SLC16A13: variants seen among roughly 807,000 people sequenced by gnomAD.
The protein encoded by SLC16A13 is monocarboxylate transporter 13.
A neutral mutation model predicts 28.1 loss-of-function variants in SLC16A13; 28 were observed. That is an observed-to-expected ratio of 1.00 (90% CI 0.74 to 1.37). The LOEUF is 1.37. SLC16A13 is among the 40% of genes most tolerant of loss of function. The pLI is 0.00. For synonymous variants in SLC16A13, 228 were observed against 241.6 expected, an observed-to-expected ratio of 0.94 and a Z score of 0.52; for missense variants, 482 against 531.8, an observed-to-expected ratio of 0.91 and a Z score of 0.92.
In SLC16A13 at chr17:7,036,403, C is replaced by T. The variant is rs756648001; in HGVS notation, c.21C>T (p.Pro7=). 3 of 1,611,544 alleles carry T rather than the reference C, an allele frequency of 1.9e-6. No individual in the cohort carries two copies. The highest frequency in any genetic ancestry group is 1.7e-5 in the Admixed American group (1 of 59,884). The change falls in exon 1 of 4, where the codon CCC becomes CCT. Residue 7 remains proline, a synonymous_variant. Coordinates refer to ENST00000308027, the MANE Select transcript of SLC16A13 (RefSeq NM_201566.3). ...CTTAGATGGCGCGCAGGACAGAGCC[C>T]CCCGACGGGGGCTGGGGATGGGTGG... MARRTE[P]PDGGWGWVVV...
Position 7,038,486 on chromosome 17 carries a change from C to G in SLC16A13, c.678C>G (p.Ile226Met). 1.2e-6 allele frequency: 2 copies of G among 1,614,256 alleles called. No individual in the cohort carries two copies. The highest frequency in any genetic ancestry group is 1.7e-6 in the Non-Finnish European group (2 of 1,180,048). ...FLRYTVALTL[I>M]NTGYFIPYLH... ...GTTACACTGTTGCCCTCACCCTGAT[C>G]AACACTGGCTACTTCATTCCCTACC... The change falls in exon 3 of 4, where the codon ATC (isoleucine) becomes ATG (methionine). Residue 226 changes from isoleucine to methionine, a missense_variant. Ile to Met is a conservative substitution (Grantham distance 10, BLOSUM62 1). Coordinates refer to ENST00000308027, the MANE Select transcript of SLC16A13 (RefSeq NM_201566.3). The surrounding 1 kb of genome is among the most constrained non-coding windows in gnomAD (Gnocchi z 5.7).
chr17:7,040,098 C>A lies in SLC16A13; in HGVS notation c.*136C>A. On this transcript the variant is annotated 3_prime_UTR_variant, in exon 4 of 4. Transcript: ENST00000308027. The stretch of plus-strand genomic sequence containing the variant: ...CCCTAGAGCAGGCCTGGGGCTCCTG[C>A]AATGTGTGTGCCAACCCTTTGTATT... 1 of 707,384 alleles carries A rather than the reference C, an allele frequency of 1.4e-6. No homozygotes were observed. The highest frequency in any genetic ancestry group is 2.4e-6 in the Non-Finnish European group (1 of 422,466). The allele number at this position is 707,384 out of a possible 1,614,324, so 43.8% of individuals were successfully genotyped here.
Position 7,039,662 on chromosome 17 carries a change from C to G in SLC16A13, c.1082-101C>G. The G allele has an allele frequency of 2.4e-6, 3 of 1,257,722 alleles. No individual in the cohort carries two copies. Among genetic ancestry groups the G allele is most frequent in the Non-Finnish European group, 3.4e-6 (3 of 879,496 alleles). The allele number at this position is 1,257,722 out of a possible 1,614,324, so 77.9% of individuals were successfully genotyped here. ...AACTATTCCATGGGAGTTCCAACTC[C>G]TCTGAGATGATAAGTCTTCCCTCCA... is the stretch of plus-strand genomic sequence containing the variant. On this transcript the variant is annotated intron_variant, in intron 3 of 3. Coordinates refer to ENST00000308027, the MANE Select transcript of SLC16A13 (RefSeq NM_201566.3). This position sits in a 1 kb window ranked among gnomAD's most constrained non-coding sequence, Gnocchi z 4.3.
chr17:7,038,758 C>T lies in SLC16A13; in HGVS notation c.950C>T (p.Thr317Ile), dbSNP rs1303005134. The change falls in exon 3 of 4, where the codon ACA becomes ATA. Residue 317 changes from threonine (T) to isoleucine (I), a missense_variant. By Grantham distance (89) the Thr-to-Ile change is moderately conservative. Coordinates refer to ENST00000308027, the MANE Select transcript of SLC16A13 (RefSeq NM_201566.3). This position sits in a 1 kb window ranked among gnomAD's most constrained non-coding sequence, Gnocchi z 5.7. ...LVALAVAYGF[T>I]SGALAPLAFS... ...GCTCTGGCTGTGGCCTACGGCTTCA[C>T]ATCAGGGGCTCTGGCCCCACTGGCC... 1 of 1,614,078 alleles carries T rather than the reference C, an allele frequency of 6.2e-7. No individual in the cohort carries two copies. Among genetic ancestry groups the T allele is most frequent in the Non-Finnish European group, 8.5e-7 (1 of 1,179,958 alleles).
In SLC16A13 at chr17:7,038,917, G is replaced by T. The variant is rs1203422447; in HGVS notation, c.1081+28G>T. On this transcript the variant is annotated intron_variant, in intron 3 of 3. Transcript: ENST00000308027. The surrounding 1 kb of genome is among the most constrained non-coding windows in gnomAD (Gnocchi z 5.7). ...AAGTGGAATGGGGTTCCCAGGGGGT[G>T]AGGGCTGCCATGTTGCACAACTAGG... 6.3e-7 allele frequency: 1 copy of T among 1,578,942 alleles called. No individual in the cohort carries two copies. The highest frequency in any genetic ancestry group is 1.8e-5 in the Admixed American group (1 of 55,540).
chr17:7,038,520 G>C lies in SLC16A13; in HGVS notation c.712G>C (p.Val238Leu), dbSNP rs1420305843. ...TGYFIPYLHLVAHLQDLDWDP... is the reference protein window; with the variant it reads ...TGYFIPYLHLLAHLQDLDWDP... ...CTACTTCATTCCCTACCTCCACCTG[G>C]TGGCCCATCTCCAGGACCTGGATTG... The change falls in exon 3 of 4, where the codon GTG becomes CTG. Residue 238 changes from valine to leucine, a missense_variant. Coordinates refer to ENST00000308027, the MANE Select transcript of SLC16A13 (RefSeq NM_201566.3). The surrounding 1 kb of genome is among the most constrained non-coding windows in gnomAD (Gnocchi z 5.7). 6.2e-7 allele frequency: 1 copy of C among 1,614,130 alleles called. No homozygotes were observed. The highest frequency in any genetic ancestry group is 1.1e-5 in the South Asian group (1 of 91,086).
rs745998957 is a variant in SLC16A13 at position 7,038,598 on chromosome 17, G to T, written c.790G>T (p.Val264Leu). 3.7e-6 allele frequency: 6 copies of T among 1,614,174 alleles called. No homozygotes were observed. Among genetic ancestry groups the T allele is most frequent in the Non-Finnish European group, 4.2e-6 (5 of 1,180,034 alleles). The change falls in exon 3 of 4, where the codon GTG (valine) becomes TTG (leucine). Residue 264 changes from valine (V) to leucine (L), a missense_variant. Coordinates refer to ENST00000308027, the MANE Select transcript of SLC16A13 (RefSeq NM_201566.3). This position sits in a 1 kb window ranked among gnomAD's most constrained non-coding sequence, Gnocchi z 5.7. Reference protein sequence around the residue: ...LLSVVAISDLVGRVVSGWLGD... With the variant: ...LLSVVAISDLLGRVVSGWLGD... ...CTCAGTTGTTGCTATTTCTGACCTC[G>T]TGGGGCGTGTGGTCTCCGGATGGCT...
chr17:7,038,632 C>T lies in SLC16A13; in HGVS notation c.824C>T (p.Ala275Val), dbSNP rs764535904. The stretch of plus-strand genomic sequence containing the variant: ...GTGGTCTCCGGATGGCTGGGAGATG[C>T]AGTCCCAGGGCCTGTGACACGACTC... ...GRVVSGWLGDAVPGPVTRLLM... is the reference protein window; with the variant it reads ...GRVVSGWLGDVVPGPVTRLLM... The change falls in exon 3 of 4, where the codon GCA becomes GTA. Residue 275 changes from alanine (A) to valine (V), a missense_variant. Physicochemically the swap from Ala to Val is moderately conservative, Grantham distance 64 (BLOSUM62 0). Coordinates refer to ENST00000308027, the MANE Select transcript of SLC16A13 (RefSeq NM_201566.3). The surrounding 1 kb of genome is among the most constrained non-coding windows in gnomAD (Gnocchi z 5.7). The T allele has an allele frequency of 8.7e-6, 14 of 1,614,006 alleles. No individual in the cohort carries two copies. Among genetic ancestry groups the T allele is most frequent in the Non-Finnish European group, 1.2e-5 (14 of 1,180,022 alleles).
At position 7,037,133 on chromosome 17, in the gene SLC16A13, C is replaced by CTT. The variant is rs1597344520; in HGVS notation, c.343+263_343+264insTT. The CTT allele has an allele frequency of 2.3e-5, 7 of 305,014 alleles. No homozygotes were observed. In the East Asian group the frequency reaches 5.1e-4, roughly 22 times the overall value. 18.9% of individuals were successfully genotyped at this position (305,014 alleles called of 1,614,324 possible). A position where few individuals can be genotyped will look rare whatever the true frequency, so the allele number is the denominator to read the frequency against. On this transcript the variant is annotated intron_variant, in intron 2 of 3. Coordinates refer to ENST00000308027, the MANE Select transcript of SLC16A13 (RefSeq NM_201566.3). ...TTGGGAAGCCGAGGCGGGTGGATCA[C>CTT]GAGGTCAGGAGTTTGAGACCAGCCT...
In SLC16A13 at chr17:7,038,583, G is replaced by T; in HGVS notation, c.775G>T (p.Ala259Ser). 1 of 1,614,182 alleles carries T rather than the reference G, an allele frequency of 6.2e-7. No individual in the cohort carries two copies. The highest frequency in any genetic ancestry group is 8.5e-7 in the Non-Finnish European group (1 of 1,180,040). Residue 259 changes from alanine (A) to serine (S), a missense_variant, in exon 3 of 4, where the codon GCT becomes TCT. Transcript: ENST00000308027. This position sits in a 1 kb window ranked among gnomAD's most constrained non-coding sequence, Gnocchi z 5.7. ...TGCTGCCTTCCTACTCTCAGTTGTT[G>T]CTATTTCTGACCTCGTGGGGCGTGT... is the stretch of plus-strand genomic sequence containing the variant. Reference protein sequence around the residue: ...LPAAFLLSVVAISDLVGRVVS... With the variant: ...LPAAFLLSVVSISDLVGRVVS...
rs1192773670 is a variant in SLC16A13 at position 7,038,026 on chromosome 17, A to C, written c.344-126A>C. On this transcript the variant is annotated intron_variant, in intron 2 of 3. Coordinates refer to ENST00000308027, the MANE Select transcript of SLC16A13 (RefSeq NM_201566.3). This position sits in a 1 kb window ranked among gnomAD's most constrained non-coding sequence, Gnocchi z 5.7. ...TACACAGCTATGAAGTATCCAAGCC[A>C]AGATTGTATCCCAGGTCTGTGGGAC... 8.4e-6 allele frequency: 10 copies of C among 1,184,012 alleles called. No individual in the cohort carries two copies. The highest frequency in any genetic ancestry group is 1.2e-5 in the Non-Finnish European group (10 of 842,238). The allele number at this position is 1,184,012 out of a possible 1,614,324, so 73.3% of individuals were successfully genotyped here.
At position 7,039,618 on chromosome 17, in the gene SLC16A13, A is replaced by G; in HGVS notation, c.1082-145A>G. On this transcript the variant is annotated intron_variant, in intron 3 of 3. Coordinates refer to ENST00000308027, the MANE Select transcript of SLC16A13 (RefSeq NM_201566.3). This position sits in a 1 kb window ranked among gnomAD's most constrained non-coding sequence, Gnocchi z 4.3. ...ACTTTTGAGGCCCTTTTGGGAAACC[A>G]GAGTTCTTAAGTTTATCCAACTATT... The G allele has an allele frequency of 2.4e-6, 2 of 845,366 alleles. No individual in the cohort carries two copies. Among genetic ancestry groups the G allele is most frequent in the South Asian group, 3.7e-5 (2 of 54,684 alleles). 52.4% of individuals were successfully genotyped at this position (845,366 alleles called of 1,614,324 possible).
Position 7,038,203 on chromosome 17 carries a change from ATTTCTCTCGCC to A in SLC16A13, c.396_406del (p.Tyr132Ter). ...CCGACCCTGGCCTGCCTGTCCTGTTATTTCTCTCGCCGACGATCCCTGGCCACCGGGCTGGC... is the reference window on the plus strand; with the variant it reads ...CCGACCCTGGCCTGCCTGTCCTGTTAGACGATCCCTGGCCACCGGGCTGGC... On this transcript the variant is annotated stop_gained and frameshift_variant, in exon 3 of 4. Coordinates refer to ENST00000308027, the MANE Select transcript of SLC16A13 (RefSeq NM_201566.3). LOFTEE classifies it high-confidence loss of function. The surrounding 1 kb of genome is among the most constrained non-coding windows in gnomAD (Gnocchi z 5.7). 6.2e-7 allele frequency: 1 copy of A among 1,613,762 alleles called. No homozygotes were observed. The highest frequency in any genetic ancestry group is 1.1e-5 in the South Asian group (1 of 91,074).
intron 2 of SLC16A13, among the ~76,000 whole-genome samples, chr17:7,037,496 G>A (rs567808599): frequency 2.6e-5 from 4 of 151,990 alleles, no homozygotes; most frequent in Non-Finnish European, 4.4e-5. Flanking sequence ...GGAGGCCGAG[G>A]CGGGCGGATC....
At position 7,040,104 on chromosome 17, in the gene SLC16A13, G is replaced by C; in HGVS notation, c.*142G>C. 1 of 675,242 alleles carries C rather than the reference G, an allele frequency of 1.5e-6. No individual in the cohort carries two copies. Among genetic ancestry groups the C allele is most frequent in the Admixed American group, 2.8e-5 (1 of 36,206 alleles). 41.8% of individuals were successfully genotyped at this position (675,242 alleles called of 1,614,324 possible). On this transcript the variant is annotated 3_prime_UTR_variant, in exon 4 of 4. Coordinates refer to ENST00000308027, the MANE Select transcript of SLC16A13 (RefSeq NM_201566.3). The stretch of plus-strand genomic sequence containing the variant: ...AGCAGGCCTGGGGCTCCTGCAATGT[G>C]TGTGCCAACCCTTTGTATTTTGTTG...
Position 7,040,052 on chromosome 17 carries a change from T to G in SLC16A13, c.*90T>G. On this transcript the variant is annotated 3_prime_UTR_variant, in exon 4 of 4. Transcript: ENST00000308027. ...TGGTCTCCACAGAACCACAGTGCCT[T>G]AAGATTCTTGATCTGCCTCCCCCTA... The G allele has an allele frequency of 8.2e-7, 1 of 1,216,480 alleles. No individual in the cohort carries two copies. The highest frequency in any genetic ancestry group is 1.2e-6 in the Non-Finnish European group (1 of 855,118). 75.4% of individuals were successfully genotyped at this position (1,216,480 alleles called of 1,614,324 possible).
At position 7,038,074 on chromosome 17, in the gene SLC16A13, GC is replaced by G. The variant is rs1372070325; in HGVS notation, c.344-77del. Reference sequence around the variant, plus strand: ...GACTCCGAAGCAAGTGCTACATTCTGCTGCTGGGCAATGCGGGGATTACTGT... The same window carrying G: ...GACTCCGAAGCAAGTGCTACATTCTGTGCTGGGCAATGCGGGGATTACTGT... On this transcript the variant is annotated intron_variant, in intron 2 of 3. Transcript: ENST00000308027. The surrounding 1 kb of genome is among the most constrained non-coding windows in gnomAD (Gnocchi z 5.7). 2 of 1,501,276 alleles carry G rather than the reference GC, an allele frequency of 1.3e-6. No homozygotes were observed. Among genetic ancestry groups the G allele is most frequent in the African/African-American group, 2.8e-5 (2 of 72,020 alleles). 93.0% of individuals were successfully genotyped at this position (1,501,276 alleles called of 1,614,324 possible). A position where few individuals can be genotyped will look rare whatever the true frequency, so the allele number is the denominator to read the frequency against.
At chr17:7,036,925 C>T (rs1054297627) in intron 2 of SLC16A13, 55 bp downstream of exon 2, 17 of 1,589,570 alleles carry the variant, frequency 1.1e-5, no homozygotes, top group African/African-American at 4.0e-5. Context: ...TGGATGTTCA[C>T]CTCCTTCCTG....
rs972420725 is a variant in SLC16A13 at position 7,036,459 on chromosome 17, T to C, written c.77T>C (p.Leu26Pro). 5.0e-5 allele frequency: 80 copies of C among 1,612,106 alleles called. No individual in the cohort carries two copies. Among genetic ancestry groups the C allele is most frequent in the Non-Finnish European group, 6.8e-5 (80 of 1,180,010 alleles). Residue 26 changes from leucine (L) to proline (P), a missense_variant, in exon 1 of 4, where the codon CTT (leucine) becomes CCT (proline). Leu to Pro is a moderately conservative substitution (Grantham distance 98, BLOSUM62 -3). Transcript: ENST00000308027. ...CTCTCAGCGTTCTTCCAGTCGGCGC[T>C]TGTGTTTGGGGTGCTCCGCTCCTTT... is the stretch of plus-strand genomic sequence containing the variant. ...VVLSAFFQSA[L>P]VFGVLRSFGV...
Sources: allele counts gnomAD v4.1 joint callset (sites outside exome capture counted in the v4.1 genomes callset), GRCh38; gene constraint gnomAD v4.1.1; non-coding constraint Gnocchi (gnomAD v3.1); transcripts MANE v1.5; gene names NCBI Gene and HGNC (gene_info 2026-07-23, HGNC 2026-07-21).